The following PDE12 variants were observed in gnomAD, a reference collection of about 807,000 sequenced individuals.
PDE12 encodes phosphodiesterase 12, also known as 2',5'-phosphodiesterase 12.
Under a neutral mutation model 45.4 loss-of-function variants are expected in PDE12, and 26 were observed. That is an observed-to-expected ratio of 0.57 (90% confidence interval 0.42 to 0.79). PDE12 has a LOEUF of 0.79. Among genes scored for constraint, PDE12 ranks in the 30% least tolerant of loss-of-function variants. The probability of loss-of-function intolerance (pLI) is 0.00; values close to 1 mark genes in which losing one functional copy is unlikely to be tolerated. For missense variants in PDE12, 668 were observed against 790.0 expected (o/e 0.85, Z 1.85); for synonymous variants, 283 against 323.9 (o/e 0.87, Z 1.36).
the PDE12 span, among the ~76,000 whole-genome samples, chr3:57,603,684 G>A: frequency 6.7e-5 from 10 of 149,830 alleles, no homozygotes; most frequent in South Asian, 2.1e-4. Flanking sequence ...GTGCAATGGC[G>A]CGATCTCAGC....
At chr3:57,649,167 TAAAC>T in the PDE12 span, among the ~76,000 whole-genome samples, 1 of 151,710 alleles carries the variant, frequency 6.6e-6, no homozygotes, top group African/African-American at 2.4e-5. Context: ...AAGAACAAAA[TAAAC>T]AATCCCATCA....
the PDE12 span, among the ~76,000 whole-genome samples, chr3:57,623,537 GGTAT>G: frequency 6.6e-6 from 1 of 152,140 alleles, no homozygotes; most frequent in African/African-American, 2.4e-5. Flanking sequence ...AAATTAGCTG[GGTAT>G]GGTGGCGCAC....
the PDE12 span, chr3:57,572,188 C>G: frequency 6.3e-7 from 1 of 1,587,988 alleles, no homozygotes; most frequent in East Asian, 2.2e-5. Flanking sequence ...TCAAACATGT[C>G]CTTGGTTAGA....
the PDE12 span, among the ~76,000 whole-genome samples, chr3:57,635,844 T>C: frequency 2.6e-5 from 4 of 152,180 alleles, no homozygotes; most frequent in African/African-American, 7.2e-5. Context: ...TTTTTTTTCC[T>C]GCCTCTGCCA....
At chr3:57,604,158 G>C in the PDE12 span, among the ~76,000 whole-genome samples, 14 of 151,870 alleles carry the variant, frequency 9.2e-5, no homozygotes, top group African/African-American at 3.4e-4. Flanking sequence ...TCCTGACCTT[G>C]TGATCCACCC....
the PDE12 span, chr3:57,583,774 T>C: frequency 1.4e-6 from 1 of 697,372 alleles, no homozygotes; most frequent in African/African-American, 1.8e-5. Context: ...AATGTGGAAG[T>C]GGTGATAAGA....
At chr3:57,655,656 A>G in the PDE12 span, among the ~76,000 whole-genome samples, 1 of 152,216 alleles carries the variant, frequency 6.6e-6, no homozygotes, top group South Asian at 2.1e-4. Flanking sequence ...GGCTATGTGT[A>G]TAAGGTGTAT....
chr3:57,622,862 T>C, the PDE12 span, among the ~76,000 whole-genome samples: 1 of 152,192 alleles, frequency 6.6e-6, no homozygotes, highest in African/African-American at 2.4e-5. Context: ...GAGTATATAC[T>C]GTATGATTCC....
At chr3:57,577,441 G>T in the PDE12 span, 1 of 1,440,216 alleles carries the variant, frequency 6.9e-7, no homozygotes, top group Non-Finnish European at 9.8e-7. Context: ...CTCTCTATAT[G>T]AAACAGTGTA....
the PDE12 span, among the ~76,000 whole-genome samples, chr3:57,587,161 A>C: frequency 1.3e-5 from 2 of 152,188 alleles, no homozygotes; most frequent in East Asian, 3.9e-4. Flanking sequence ...TCTACTAAAA[A>C]TACAGAAACT....
chr3:57,628,725 G>T, the PDE12 span: 2 of 1,369,482 alleles, frequency 1.5e-6, no homozygotes, highest in Non-Finnish European at 2.0e-6. Context: ...TTACTTCTGC[G>T]AACTATCATG....
At chr3:57,617,532 C>A in the PDE12 span, among the ~76,000 whole-genome samples, 2 of 152,112 alleles carry the variant, frequency 1.3e-5, no homozygotes, top group East Asian at 3.9e-4. Flanking sequence ...GCACTATTCA[C>A]AATAGCAAAG....
chr3:57,591,672 G>T, the PDE12 span, among the ~76,000 whole-genome samples: 1 of 152,022 alleles, frequency 6.6e-6, no homozygotes, highest in Non-Finnish European at 1.5e-5. Flanking sequence ...TCACTATGTT[G>T]TCCAGGCTGG....
At chr3:57,644,528 TA>T in the PDE12 span, among the ~76,000 whole-genome samples, 7 of 150,780 alleles carry the variant, frequency 4.6e-5, no homozygotes, top group East Asian at 1.4e-3. Flanking sequence ...GGCTGGTCTC[TA>T]ACTCCTGGAC....
the PDE12 span, among the ~76,000 whole-genome samples, chr3:57,623,532 A>G: frequency 6.6e-6 from 1 of 152,126 alleles, no homozygotes; most frequent in Non-Finnish European, 1.5e-5. Flanking sequence ...TACAAAAATT[A>G]GCTGGGTATG....
chr3:57,623,156 T>C, the PDE12 span, among the ~76,000 whole-genome samples: 1 of 152,166 alleles, frequency 6.6e-6, no homozygotes, highest in African/African-American at 2.4e-5. Context: ...ACACCTGTAA[T>C]CCCAGCACTT....
the PDE12 span, among the ~76,000 whole-genome samples, chr3:57,622,151 G>A: frequency 6.6e-6 from 1 of 152,196 alleles, no homozygotes; most frequent in East Asian, 1.9e-4. Flanking sequence ...ATTCCAGCCT[G>A]CGCAACAGAG....
At chr3:57,604,884 A>G in the PDE12 span, among the ~76,000 whole-genome samples, 1 of 152,050 alleles carries the variant, frequency 6.6e-6, no homozygotes, top group Non-Finnish European at 1.5e-5. Flanking sequence ...AAGTATTGTG[A>G]TTAAAGGTGT....
At chr3:57,625,918 T>G in the PDE12 span, 1 of 152,600 alleles carries the variant, frequency 6.6e-6, no homozygotes, top group South Asian at 2.1e-4. Context: ...TAAAAGATCC[T>G]TGATATGACA....
Sources: gnomAD v4.1 joint callset for allele counts (sites outside exome capture counted in the v4.1 genomes callset) on GRCh38, gnomAD v4.1.1 for gene constraint, MANE v1.5 for transcripts, NCBI Gene and HGNC (gene_info 2026-07-23, HGNC 2026-07-21) for gene names.